CLSTN2: variants seen among roughly 807,000 people sequenced by gnomAD.
The protein encoded by CLSTN2 is calsyntenin 2.
In CLSTN2, 48 loss-of-function variants were observed where a neutral mutation model predicts 101.2. That is an observed-to-expected ratio of 0.47 (90% CI 0.38 to 0.60). The LOEUF is 0.60. CLSTN2 is among the 20% of genes least tolerant of loss of function. The pLI, the probability that CLSTN2 is intolerant of heterozygous loss-of-function variation, is 0.00. For missense variants in CLSTN2, 1,160 were observed against 1,238.2 expected (o/e 0.94, Z 0.95); for synonymous variants, 481 against 463.6 (o/e 1.04, Z -0.48).
intron 2 of CLSTN2, among the ~76,000 whole-genome samples, chr3:140,210,806 T>C (rs2010846063): frequency 6.6e-6 from 1 of 152,102 alleles, no homozygotes; most frequent in African/African-American, 2.4e-5. Context: ...AGAATGAACG[T>C]AATTATAACT....
At chr3:140,492,800 G>C (rs1001468829) in intron 8 of CLSTN2, among the ~76,000 whole-genome samples, 1 of 152,192 alleles carries the variant, frequency 6.6e-6, no homozygotes, top group African/African-American at 2.4e-5. Flanking sequence ...GGCTCTGTAA[G>C]TATATGCTGT....
At chr3:140,562,044 C>A in intron 12 of CLSTN2, 94 bp from the exon 13 acceptor site, 1 of 1,141,494 alleles carries the variant, frequency 8.8e-7, no homozygotes, top group Non-Finnish European at 1.3e-6. Flanking sequence ...CAGCCTTAAC[C>A]TGGGGTGCAA....
At chr3:139,973,621 T>C (rs939031658) in intron 1 of CLSTN2, among the ~76,000 whole-genome samples, 1 of 151,948 alleles carries the variant, frequency 6.6e-6, no homozygotes, top group East Asian at 1.9e-4. Context: ...CTCTCTCTCT[T>C]TGTCCTCTTT....
At chr3:139,991,932 G>A (rs1936122259) in intron 1 of CLSTN2, among the ~76,000 whole-genome samples, 1 of 152,192 alleles carries the variant, frequency 6.6e-6, no homozygotes, top group African/African-American at 2.4e-5. Flanking sequence ...GTCTAATAAG[G>A]AGAGGGATTT....
intron 1 of CLSTN2, among the ~76,000 whole-genome samples, chr3:140,088,537 G>A (rs1380980452): frequency 6.6e-6 from 1 of 152,178 alleles, no homozygotes; most frequent in African/African-American, 2.4e-5. Context: ...TGACATTTAA[G>A]GTCATTTGAG....
chr3:140,255,264 G>A (rs1488557691), intron 2 of CLSTN2, among the ~76,000 whole-genome samples: 1 of 152,152 alleles, frequency 6.6e-6, no homozygotes, highest in African/African-American at 2.4e-5. Context: ...GAACTTAAAA[G>A]AGAACTAACA....
At chr3:140,136,199 T>C (rs750300358) in intron 1 of CLSTN2, among the ~76,000 whole-genome samples, 1 of 152,210 alleles carries the variant, frequency 6.6e-6, no homozygotes, top group Non-Finnish European at 1.5e-5. Flanking sequence ...CTTGGATTCC[T>C]ATTGATGAGC....
At chr3:140,160,675 T>C (rs1189396092) in intron 1 of CLSTN2, among the ~76,000 whole-genome samples, 4 of 152,120 alleles carry the variant, frequency 2.6e-5, no homozygotes, top group African/African-American at 4.8e-5. Context: ...CCCAGAAGTA[T>C]TGGTGTATAA....
intron 2 of CLSTN2, among the ~76,000 whole-genome samples, chr3:140,318,291 T>C (rs986576094): frequency 2.6e-5 from 4 of 152,128 alleles, no homozygotes; most frequent in Non-Finnish European, 4.4e-5. Flanking sequence ...TGAGCCATGA[T>C]GAAGTGGCAA....
At chr3:140,252,427 C>A (rs1001425207) in intron 2 of CLSTN2, among the ~76,000 whole-genome samples, 1 of 152,154 alleles carries the variant, frequency 6.6e-6, no homozygotes, top group Non-Finnish European at 1.5e-5. Context: ...GCTGGAAATG[C>A]AGAATCTCAG....
chr3:140,118,151 C>A lies in CLSTN2; in HGVS notation c.110-57800C>A, dbSNP rs1055959391. Among the ~76,000 whole-genome samples, 3 of 151,990 alleles carry A rather than the reference C, an allele frequency of 2.0e-5. 1 individual carries two copies. Among genetic ancestry groups the A allele is most frequent in the Non-Finnish European group, 4.4e-5 (3 of 67,998 alleles). Reference sequence around the variant, plus strand: ...GACCATATAGGGTCACGGTGGTCTGCAAACAGCCATCTGCAAGCCAAAGAG... The same window carrying A: ...GACCATATAGGGTCACGGTGGTCTGAAAACAGCCATCTGCAAGCCAAAGAG... On this transcript the variant is annotated intron_variant, in intron 1 of 16. Coordinates refer to ENST00000458420, the MANE Select transcript of CLSTN2 (RefSeq NM_022131.3).
chr3:140,553,427 G>T (rs1935743314), intron 10 of CLSTN2, among the ~76,000 whole-genome samples: 1 of 152,092 alleles, frequency 6.6e-6, no homozygotes, highest in Non-Finnish European at 1.5e-5. Context: ...ATACTCCAAA[G>T]TTGCATTTTG....
At chr3:140,152,519 A>G (rs1417982534) in intron 1 of CLSTN2, among the ~76,000 whole-genome samples, 3 of 152,232 alleles carry the variant, frequency 2.0e-5, no homozygotes, top group South Asian at 2.1e-4. Context: ...TAGTATAACT[A>G]TTAATGCTGA....
At chr3:140,293,154 T>C (rs1440194700) in intron 2 of CLSTN2, among the ~76,000 whole-genome samples, 2 of 152,142 alleles carry the variant, frequency 1.3e-5, no homozygotes, top group Non-Finnish European at 2.9e-5. Flanking sequence ...GATCAAATAA[T>C]TAGGGATTCT....
At position 140,421,168 on chromosome 3, in the gene CLSTN2, C is replaced by G. The variant is rs571881439; in HGVS notation, c.681C>G (p.His227Gln). 6.2e-7 allele frequency: 1 copy of G among 1,614,120 alleles called. No individual in the cohort carries two copies. The highest frequency in any genetic ancestry group is 2.2e-5 in the East Asian group (1 of 44,872). The change falls in exon 5 of 17, where the codon CAC becomes CAG. Residue 227 changes from histidine to glutamine, a missense_variant. Coordinates refer to ENST00000458420, the MANE Select transcript of CLSTN2 (RefSeq NM_022131.3). ...AGAAGCTGAGCTATGACAAACAACA[C>G]CAGTATGAGATCCTGGTGACCGCCT... is the stretch of plus-strand genomic sequence containing the variant. ...NTEKLSYDKQ[H>Q]QYEILVTAYD...
intron 1 of CLSTN2, among the ~76,000 whole-genome samples, chr3:140,062,242 C>T (rs2008219420): frequency 6.6e-6 from 1 of 152,240 alleles, no homozygotes; most frequent in South Asian, 2.1e-4. Context: ...CTGAGAAGCA[C>T]CTCTTTCTGG....
chr3:140,109,736 G>A (rs1386411178), intron 1 of CLSTN2, among the ~76,000 whole-genome samples: 1 of 152,160 alleles, frequency 6.6e-6, no homozygotes, highest in East Asian at 1.9e-4. Context: ...AGAATTTTCT[G>A]ATGGCACAGA....
intron 1 of CLSTN2, among the ~76,000 whole-genome samples, chr3:140,001,622 T>C (rs2006842429): frequency 6.6e-6 from 1 of 152,088 alleles, no homozygotes; most frequent in Admixed American, 6.5e-5. Flanking sequence ...TTACAAACGA[T>C]CCAAAATACT....
At chr3:140,414,482 T>C (rs2088404263) in intron 4 of CLSTN2, among the ~76,000 whole-genome samples, 1 of 151,998 alleles carries the variant, frequency 6.6e-6, no homozygotes, top group Admixed American at 6.6e-5. Context: ...AGCCAAATAC[T>C]GCACATTTTC....
Sources: allele counts gnomAD v4.1 joint callset (sites outside exome capture counted in the v4.1 genomes callset), GRCh38; gene constraint gnomAD v4.1.1; transcripts MANE v1.5; gene names NCBI Gene and HGNC (gene_info 2026-07-23, HGNC 2026-07-21).